SHISA6: variants seen among roughly 807,000 people sequenced by gnomAD.
SHISA6 encodes shisa family member 6, also known as protein shisa-6.
In SHISA6, 22 loss-of-function variants were observed where a neutral mutation model predicts 47.9. The observed-to-expected ratio is 0.46, with a 90% CI of 0.33 to 0.66. The LOEUF (loss-of-function observed/expected upper bound fraction) is 0.66. Ranked by LOEUF, SHISA6 falls within the 30% of genes least tolerant of loss-of-function variation. The probability of loss-of-function intolerance (pLI) is 0.02; values close to 1 mark genes in which losing one functional copy is unlikely to be tolerated. For missense variants in SHISA6, 680 were observed against 764.6 expected, an observed-to-expected ratio of 0.89 and a Z score of 1.30; for synonymous variants, 388 against 337.8, an observed-to-expected ratio of 1.15 and a Z score of -1.63.
chr17:11,246,325 C>T (rs984362697), intron 1 of SHISA6, among the ~76,000 whole-genome samples: 2 of 152,014 alleles, frequency 1.3e-5, no homozygotes, highest in Non-Finnish European at 2.9e-5. Context: ...CCCGTCTCTA[C>T]GAAAAACACA....
chr17:11,544,505 C>T (rs952207161), intron 3 of SHISA6, among the ~76,000 whole-genome samples: 1 of 152,010 alleles, frequency 6.6e-6, no homozygotes, highest in Non-Finnish European at 1.5e-5. Context: ...AATGAGATAT[C>T]GCTACATACC....
intron 3 of SHISA6, among the ~76,000 whole-genome samples, chr17:11,540,188 GA>G (rs1391210820): frequency 6.6e-6 from 1 of 152,156 alleles, no homozygotes; most frequent in African/African-American, 2.4e-5. Context: ...ACCTATGCTG[GA>G]AATTTCCATT....
At chr17:11,344,223 G>T (rs894000750) in intron 2 of SHISA6, among the ~76,000 whole-genome samples, 7 of 152,150 alleles carry the variant, frequency 4.6e-5, no homozygotes, top group African/African-American at 1.7e-4. Context: ...CTGGATACAA[G>T]TCCTTTATCA....
intron 2 of SHISA6, among the ~76,000 whole-genome samples, chr17:11,321,721 A>T (rs551787630): frequency 4.0e-5 from 6 of 151,892 alleles, no homozygotes; most frequent in African/African-American, 1.4e-4. Flanking sequence ...TTTTGCTGCT[A>T]TTGTTGTTTT....
intron 1 of SHISA6, among the ~76,000 whole-genome samples, chr17:11,262,069 A>G (rs1362218411): frequency 1.3e-5 from 2 of 152,320 alleles, no homozygotes; most frequent in African/African-American, 4.8e-5. Flanking sequence ...ATATCTAGGT[A>G]TATAATCCAT....
intron 2 of SHISA6, among the ~76,000 whole-genome samples, chr17:11,275,809 A>G (rs569680784): frequency 2.2e-4 from 33 of 152,198 alleles, no homozygotes; most frequent in Non-Finnish European, 4.3e-4. Context: ...GAGACATGTT[A>G]AGGGCTAGAA....
At chr17:11,425,913 T>G (rs975763325) in intron 3 of SHISA6, among the ~76,000 whole-genome samples, 3 of 152,012 alleles carry the variant, frequency 2.0e-5, no homozygotes, top group Admixed American at 6.6e-5. Context: ...TTTTATAGAG[T>G]CCTAAGCCCA....
intron 2 of SHISA6, among the ~76,000 whole-genome samples, chr17:11,314,613 G>GCAAC (rs1218630173): frequency 6.7e-6 from 1 of 149,460 alleles, no homozygotes; most frequent in African/African-American, 2.5e-5. Context: ...TCGGCTCACT[G>GCAAC]CAACCTCCGT....
At chr17:11,540,351 G>A (rs906434299) in intron 3 of SHISA6, among the ~76,000 whole-genome samples, 4 of 152,206 alleles carry the variant, frequency 2.6e-5, no homozygotes, top group African/African-American at 9.7e-5. Context: ...GGAGAGTGAA[G>A]TTGGGACACT....
chr17:11,369,141 G>A (rs1912546337), intron 2 of SHISA6, among the ~76,000 whole-genome samples: 1 of 152,114 alleles, frequency 6.6e-6, no homozygotes, highest in Non-Finnish European at 1.5e-5. Flanking sequence ...ATATGCCTAG[G>A]GCCATTTGGC....
At chr17:11,494,998 G>T (rs570074558) in intron 3 of SHISA6, among the ~76,000 whole-genome samples, 3 of 152,106 alleles carry the variant, frequency 2.0e-5, no homozygotes, top group Non-Finnish European at 4.4e-5. Context: ...GACAATGGCC[G>T]ACCAGGCTAC....
At chr17:11,317,541 ACTT>A (rs950678139) in intron 2 of SHISA6, among the ~76,000 whole-genome samples, 16 of 151,816 alleles carry the variant, frequency 1.1e-4, no homozygotes, top group African/African-American at 3.6e-4. Flanking sequence ...GTTTGTTTTT[ACTT>A]CTTAGGAATC....
chr17:11,274,416 G>A (rs566757456), intron 2 of SHISA6, among the ~76,000 whole-genome samples: 5 of 152,314 alleles, frequency 3.3e-5, no homozygotes, highest in South Asian at 2.1e-4. Context: ...AACAGAGCGC[G>A]GTGCAGTGAC....
chr17:11,441,735 A>G (rs1015588516), intron 3 of SHISA6, among the ~76,000 whole-genome samples: 1 of 152,138 alleles, frequency 6.6e-6, no homozygotes, highest in Non-Finnish European at 1.5e-5. Context: ...GCCTGCATTA[A>G]GTTGAGGAAT....
chr17:11,259,298 C>T (rs1226823906), intron 1 of SHISA6, among the ~76,000 whole-genome samples: 1 of 152,160 alleles, frequency 6.6e-6, no homozygotes, highest in East Asian at 1.9e-4. Context: ...GGGTAACATA[C>T]ATAACCTCTA....
intron 2 of SHISA6, among the ~76,000 whole-genome samples, chr17:11,369,883 C>A (rs1240199669): frequency 1.3e-5 from 2 of 152,164 alleles, no homozygotes; most frequent in Admixed American, 1.3e-4. Context: ...TAGAACTCAG[C>A]CTTTTGCGTT....
intron 2 of SHISA6, among the ~76,000 whole-genome samples, chr17:11,348,357 T>C (rs543915746): frequency 7.2e-5 from 11 of 152,326 alleles, no homozygotes; most frequent in African/African-American, 2.4e-4. Flanking sequence ...CTGCAGATCG[T>C]GAGTGATGTC....
chr17:11,545,396 CAGGA>C (rs1236686876), intron 3 of SHISA6, among the ~76,000 whole-genome samples: 2 of 152,016 alleles, frequency 1.3e-5, no homozygotes, highest in African/African-American at 4.8e-5. Flanking sequence ...GGGGTGGGTG[CAGGA>C]AGGAAGTGGG....
Position 11,293,577 on chromosome 17 carries a change from C to T in SHISA6, c.799+30051C>T, listed in dbSNP as rs538621960. On this transcript the variant is annotated intron_variant, in intron 2 of 5. Coordinates refer to ENST00000441885, the MANE Select transcript of SHISA6 (RefSeq NM_207386.4). ...ACTCCTCCTGCTGGGTCATTTAGCA[C>T]TGACACCCAGACCCAGAGCACAGAA... 2.6e-5 allele frequency among the ~76,000 whole-genome samples: 4 copies of T among 152,258 alleles called. No individual in the cohort carries two copies. The East Asian group carries it at 7.7e-4, about 29-fold the overall frequency.
Sources: gnomAD v4.1 joint callset for allele counts (sites outside exome capture counted in the v4.1 genomes callset) on GRCh38, gnomAD v4.1.1 for gene constraint, MANE v1.5 for transcripts, NCBI Gene and HGNC (gene_info 2026-07-23, HGNC 2026-07-21) for gene names.